XPR1: variants seen among roughly 807,000 people sequenced by gnomAD.
XPR1 encodes solute carrier family 53 member 1.
Under a neutral mutation model 87.5 loss-of-function variants are expected in XPR1, and 28 were observed. The ratio of observed to expected loss-of-function variants is 0.32; its 90% CI spans 0.24 to 0.44. The LOEUF (loss-of-function observed/expected upper bound fraction) is 0.44, where lower values mean the gene tolerates loss of function less well. Among genes scored for constraint, XPR1 ranks in the 20% least tolerant of loss-of-function variants. The pLI is 1.00. For missense variants in XPR1, 559 were observed against 862.3 expected, an observed-to-expected ratio of 0.65 and a Z score of 4.41; for synonymous variants, 300 against 306.1, an observed-to-expected ratio of 0.98 and a Z score of 0.21.
rs559918956 is a variant in XPR1 at position 180,788,012 on chromosome 1, G to C, written c.223+158G>C. 2.6e-5 allele frequency among the ~76,000 whole-genome samples: 4 copies of C among 152,126 alleles called. No individual in the cohort carries two copies. In the South Asian group the frequency reaches 8.3e-4, roughly 32 times the overall value. ...CTTGAGCTGGGATAAGAACACGTCT[G>C]GTTTCTCAATGTTTAAGCTTTCTGT... On this transcript the variant is annotated intron_variant, in intron 3 of 14. Coordinates refer to ENST00000367590, the MANE Select transcript of XPR1 (RefSeq NM_004736.4).
intron 13 of XPR1, among the ~76,000 whole-genome samples, chr1:180,876,786 T>C (rs1036469833): frequency 6.6e-6 from 1 of 152,192 alleles, no homozygotes; most frequent in Non-Finnish European, 1.5e-5. Context: ...CAAGAACATA[T>C]TTAACAGTGA....
chr1:180,687,355 C>T (rs977935726), intron 2 of XPR1, among the ~76,000 whole-genome samples: 4 of 152,092 alleles, frequency 2.6e-5, no homozygotes, highest in African/African-American at 9.7e-5. Context: ...TAGTTAAGAG[C>T]CTTTTCTTTC....
At chr1:180,682,299 G>T (rs897372245) in intron 1 of XPR1, 61 bp from the exon 2 acceptor site, 14 of 1,354,288 alleles carry the variant, frequency 1.0e-5, no homozygotes, top group Non-Finnish European at 1.4e-5. Flanking sequence ...TTTAGCTTCA[G>T]ATACATTCAG....
intron 2 of XPR1, among the ~76,000 whole-genome samples, chr1:180,687,457 A>G (rs886555891): frequency 1.3e-5 from 2 of 152,168 alleles, no homozygotes; most frequent in Non-Finnish European, 1.5e-5. Context: ...ATCTGCACAC[A>G]TTCTTTCTTT....
Position 180,696,192 on chromosome 1 carries a change from GTGTGTGTGTGTGTGTGTA to G in XPR1, c.121+13783_121+13800del, listed in dbSNP as rs1451823347. On this transcript the variant is annotated intron_variant, in intron 2 of 14. Coordinates refer to ENST00000367590, the MANE Select transcript of XPR1 (RefSeq NM_004736.4). ...TGTGTGTGTGTGTGTGTGTGTGTGT[GTGTGTGTGTGTGTGTGTA>G]TATATATATATATATATATATTATG... is the stretch of plus-strand genomic sequence containing the variant. Among the ~76,000 whole-genome samples, 3 of 111,664 alleles carry G rather than the reference GTGTGTGTGTGTGTGTGTA, an allele frequency of 2.7e-5. No homozygotes were observed. In the Admixed American group the frequency reaches 2.7e-4, roughly 10 times the overall value. The allele number at this position is 111,664 out of a possible 152,430, so 73.3% of individuals were successfully genotyped here.
rs529049258 is a variant in XPR1 at position 180,730,776 on chromosome 1, C to G, written c.121+48365C>G. Among the ~76,000 whole-genome samples the G allele has an allele frequency of 1.8e-4, 27 of 152,270 alleles. No homozygotes were observed. The South Asian group carries it at 4.3e-3, about 25-fold the overall frequency. ...CATCCATGCTCAAGTGATCCTCCCC[C>G]CTCAGCCTCCTGCATAGCTAGGACC... On this transcript the variant is annotated intron_variant, in intron 2 of 14. Coordinates refer to ENST00000367590, the MANE Select transcript of XPR1 (RefSeq NM_004736.4).
chr1:180,645,841 C>G (rs188061362), intron 1 of XPR1, among the ~76,000 whole-genome samples: 208 of 152,324 alleles, frequency 1.4e-3, no homozygotes, highest in African/African-American at 4.8e-3. Flanking sequence ...GAAGTGACCT[C>G]TTTGACCCGA....
chr1:180,779,714 G>A (rs1000941542), intron 2 of XPR1, among the ~76,000 whole-genome samples: 1 of 148,520 alleles, frequency 6.7e-6, no homozygotes, highest in Non-Finnish European at 1.5e-5. Context: ...GAGGGGGAGA[G>A]GGAGAGGGAG....
rs373755778 is a variant in XPR1, at chr1:180,740,665, C to T, written c.122-47088C>T. On this transcript the variant is annotated intron_variant, in intron 2 of 14. Coordinates refer to ENST00000367590, the MANE Select transcript of XPR1 (RefSeq NM_004736.4). ...GATTTTGGTGTCAGGATAGTATTGACGTCCTAAAATGAGTTGGGAAGTGTT... is the reference window on the plus strand; with the variant it reads ...GATTTTGGTGTCAGGATAGTATTGATGTCCTAAAATGAGTTGGGAAGTGTT... Among the ~76,000 whole-genome samples, 17 of 152,268 alleles carry T rather than the reference C, an allele frequency of 1.1e-4. 1 individual carries two copies. The South Asian group carries it at 2.3e-3, about 20-fold the overall frequency.
At chr1:180,768,046 G>C (rs1365554389) in intron 2 of XPR1, among the ~76,000 whole-genome samples, 1 of 151,982 alleles carries the variant, frequency 6.6e-6, no homozygotes, top group East Asian at 1.9e-4. Context: ...CGGTTTCACT[G>C]TGTTAGCCAG....
At chr1:180,821,836 C>T (rs1036390852) in intron 7 of XPR1, among the ~76,000 whole-genome samples, 5 of 152,144 alleles carry the variant, frequency 3.3e-5, no homozygotes, top group Admixed American at 2.6e-4. Context: ...TCAGATTGCT[C>T]ATTGCCGATG....
intron 2 of XPR1, among the ~76,000 whole-genome samples, chr1:180,777,713 A>G (rs567254135): frequency 3.9e-5 from 6 of 152,286 alleles, no homozygotes; most frequent in Non-Finnish European, 7.4e-5. Flanking sequence ...AGTTATTCTC[A>G]GTTTATAAAT....
chr1:180,765,544 T>A (rs893719702), intron 2 of XPR1, among the ~76,000 whole-genome samples: 15 of 152,154 alleles, frequency 9.9e-5, no homozygotes, highest in African/African-American at 3.6e-4. Flanking sequence ...GTTTCAGGAC[T>A]CCCCTCAGAT....
At chr1:180,768,283 A>T (rs1013752021) in intron 2 of XPR1, among the ~76,000 whole-genome samples, 1 of 151,916 alleles carries the variant, frequency 6.6e-6, no homozygotes, top group Non-Finnish European at 1.5e-5. Context: ...TGTCCTGTTC[A>T]TATCTTTCTA....
At chr1:180,644,564 G>T (rs1267708374) in intron 1 of XPR1, among the ~76,000 whole-genome samples, 1 of 151,908 alleles carries the variant, frequency 6.6e-6, no homozygotes, top group Non-Finnish European at 1.5e-5. Context: ...TTTATTAGAT[G>T]TAAGGACCTC....
chr1:180,845,259 C>T (rs938121154), intron 11 of XPR1, among the ~76,000 whole-genome samples: 1 of 152,146 alleles, frequency 6.6e-6, no homozygotes, highest in African/African-American at 2.4e-5. Context: ...TTTGGGAATT[C>T]TCTCGAATCT....
chr1:180,778,777 A>C (rs985736662), intron 2 of XPR1, among the ~76,000 whole-genome samples: 1 of 152,226 alleles, frequency 6.6e-6, no homozygotes, highest in Non-Finnish European at 1.5e-5. Context: ...TGAGGATAGA[A>C]TATTTCTCCT....
chr1:180,830,592 A>G (rs1651022771), intron 9 of XPR1, among the ~76,000 whole-genome samples: 1 of 152,208 alleles, frequency 6.6e-6, no homozygotes, highest in Non-Finnish European at 1.5e-5. Context: ...TGAAATGAAT[A>G]TAACTAGATA....
At chr1:180,774,367 A>G (rs1380223520) in intron 2 of XPR1, among the ~76,000 whole-genome samples, 1 of 151,244 alleles carries the variant, frequency 6.6e-6, no homozygotes, top group Non-Finnish European at 1.5e-5. Context: ...TTAAAAAAAG[A>G]AATCTGTCTT....
Sources: gnomAD v4.1 joint callset for allele counts (sites outside exome capture counted in the v4.1 genomes callset) on GRCh38, gnomAD v4.1.1 for gene constraint, MANE v1.5 for transcripts, NCBI Gene and HGNC (gene_info 2026-07-23, HGNC 2026-07-21) for gene names.